YJEFN3: variants seen among roughly 807,000 people sequenced by gnomAD.
YJEFN3 encodes the protein YjeF N-terminal domain containing 3, also known as yjeF N-terminal domain-containing protein 3.
A neutral mutation model predicts 31.5 loss-of-function variants in YJEFN3; 29 were observed. The observed-to-expected ratio is 0.92, with a 90% CI of 0.69 to 1.26. The LOEUF is 1.26. Among genes scored for constraint, YJEFN3 ranks in the 50% most tolerant of loss-of-function variants. The pLI is 0.00. For synonymous variants in YJEFN3, 227 were observed against 196.1 expected (o/e 1.16, Z -1.32); for missense variants, 442 against 425.4 (o/e 1.04, Z -0.34).
chr19:19,529,045 G>A (rs2061127035), intron 1 of YJEFN3, 54 bp downstream of exon 1: 4 of 1,545,724 alleles, frequency 2.6e-6, no homozygotes, highest in Non-Finnish European at 3.5e-6. Flanking sequence ...GGGGCCAGGA[G>A]CAGCCCGTAG....
rs1414118154 is a variant in YJEFN3, at chr19:19,535,007, T to G, written c.319-27T>G. ...CAAGGAGGAATCTGGACTGTGCCTG[T>G]GCCTTTGCTGTGTCCCCTACCACCA... On this transcript the variant is annotated intron_variant, in intron 3 of 6. Transcript: ENST00000514277. 2.6e-6 allele frequency: 4 copies of G among 1,554,848 alleles called. 1 individual carries two copies. The highest frequency in any genetic ancestry group is 3.5e-6 in the Non-Finnish European group (4 of 1,150,356).
At chr19:19,533,547 CCCT>C (rs1222014529) in intron 3 of YJEFN3, 4 of 712,678 alleles carry the variant, frequency 5.6e-6, no homozygotes, top group Non-Finnish European at 6.9e-6. Context: ...TCCTTCCTCT[CCCT>C]CCTCCTCCCC....
At chr19:19,535,851 G>A (rs1308541992) in intron 6 of YJEFN3, 172 bp downstream of exon 6, 2 of 909,022 alleles carry the variant, frequency 2.2e-6, no homozygotes, top group Non-Finnish European at 1.7e-6. Context: ...GGAAGATCGA[G>A]GCTGCCACCC....
intron 3 of YJEFN3, 61 bp downstream of exon 3, chr19:19,532,801 A>G (rs1193864000): frequency 7.3e-7 from 1 of 1,366,582 alleles, no homozygotes; most frequent in Admixed American, 2.1e-5. Context: ...CCTGAGCTGC[A>G]TGACTGCTGT....
At chr19:19,533,750 A>G (rs2061180924) in intron 3 of YJEFN3, 1 of 985,406 alleles carries the variant, frequency 1.0e-6, no homozygotes, top group Non-Finnish European at 1.2e-6. Flanking sequence ...ATCCCGGGTG[A>G]GGCGCCCAAA....
At chr19:19,535,814 T>C (rs1293444528) in intron 6 of YJEFN3, 135 bp downstream of exon 6, 21 of 1,187,416 alleles carry the variant, frequency 1.8e-5, no homozygotes, top group African/African-American at 1.5e-5. Flanking sequence ...TGGCTGAGGC[T>C]AAGGGTCACA....
chr19:19,535,026 A>G lies in YJEFN3; in HGVS notation c.319-8A>G, dbSNP rs1414239871. The G allele has an allele frequency of 3.8e-6, 6 of 1,585,742 alleles. No individual in the cohort carries two copies. Among genetic ancestry groups the G allele is most frequent in the Non-Finnish European group, 5.1e-6 (6 of 1,166,658 alleles). On this transcript the variant is annotated splice_region_variant and splice_polypyrimidine_tract_variant and intron_variant, in intron 3 of 6. Coordinates refer to ENST00000514277, the MANE Select transcript of YJEFN3 (RefSeq NM_198537.4). ...TGCCTGTGCCTTTGCTGTGTCCCCT[A>G]CCACCAGGCGTTCCCGTTGCCCGCT...
chr19:19,528,973 A>G lies in YJEFN3; in HGVS notation c.41A>G (p.Glu14Gly), dbSNP rs1369419148. 7.7e-6 allele frequency: 12 copies of G among 1,550,308 alleles called. No individual in the cohort carries two copies. Among genetic ancestry groups the G allele is most frequent in the Middle Eastern group, 1.7e-4 (1 of 5,824 alleles). The change falls in exon 1 of 7, where the codon GAA becomes GGA. Residue 14 changes from glutamate (E) to glycine (G), a missense_variant. Transcript: ENST00000514277. ...AAGPDPSEAPEERHFLRALEL... is the reference protein window; with the variant it reads ...AAGPDPSEAPGERHFLRALEL... ...GGCCCAGACCCGTCGGAGGCGCCCG[A>G]AGAGCGGCATTTCCTCAGGTCAGCT...
intron 2 of YJEFN3, among the ~76,000 whole-genome samples, chr19:19,530,757 C>T (rs1600358849): frequency 6.6e-6 from 1 of 152,244 alleles, no homozygotes; most frequent in African/African-American, 2.4e-5. Context: ...TTTCCTCACC[C>T]CGTCCTTCAA....
At chr19:19,530,993 C>G (rs568094787) in intron 2 of YJEFN3, among the ~76,000 whole-genome samples, 21 of 152,288 alleles carry the variant, frequency 1.4e-4, no homozygotes, top group African/African-American at 5.1e-4. Context: ...CTTGAACATA[C>G]CAGGCTCCTC....
Position 19,534,230 on chromosome 19 carries a change from C to T in YJEFN3, c.319-804C>T. 1.1e-6 allele frequency: 1 copy of T among 890,810 alleles called. No homozygotes were observed. The highest frequency in any genetic ancestry group is 1.3e-6 in the Non-Finnish European group (1 of 743,874). 55.2% of individuals were successfully genotyped at this position (890,810 alleles called of 1,614,324 possible). A position where few individuals can be genotyped will look rare whatever the true frequency, so the allele number is the denominator to read the frequency against. On this transcript the variant is annotated intron_variant, in intron 3 of 6. Coordinates refer to ENST00000514277, the MANE Select transcript of YJEFN3 (RefSeq NM_198537.4). The surrounding 1 kb of genome is among the most constrained non-coding windows in gnomAD (Gnocchi z 4.6). Reference sequence around the variant, plus strand: ...GAGAGAGACAGATAACAGAGAGATACAGAGACAGCCAGAGACAAATGGAGA... The same window carrying T: ...GAGAGAGACAGATAACAGAGAGATATAGAGACAGCCAGAGACAAATGGAGA...
Position 19,535,089 on chromosome 19 carries a change from G to A in YJEFN3, c.374G>A (p.Gly125Asp), listed in dbSNP as rs778871041. The change falls in exon 4 of 7, where the codon GGC (glycine) becomes GAC (aspartate). Residue 125 changes from glycine (G) to aspartate (D), a missense_variant. Coordinates refer to ENST00000514277, the MANE Select transcript of YJEFN3 (RefSeq NM_198537.4). Reference sequence around the variant, plus strand: ...CAGAGGACGGTGCTGGTCGTGTGTGGCCCGGAGCAGAACGGGGCAGTGGGG... The same window carrying A: ...CAGAGGACGGTGCTGGTCGTGTGTGACCCGGAGCAGAACGGGGCAGTGGGG... The part of the protein sequence containing the change: ...RKQRTVLVVC[G>D]PEQNGAVGLV... 7 of 1,612,128 alleles carry A rather than the reference G, an allele frequency of 4.3e-6. No individual in the cohort carries two copies. Among genetic ancestry groups the A allele is most frequent in the Non-Finnish European group, 5.9e-6 (7 of 1,179,142 alleles).
intron 2 of YJEFN3, among the ~76,000 whole-genome samples, chr19:19,531,986 C>T (rs56397647): frequency 0.12 from 18,431 of 151,960 alleles, 1,171 homozygotes; most frequent in South Asian, 0.17. Context: ...GTGATCCACC[C>T]GCCTCATCCT....
In YJEFN3 at chr19:19,534,054, G is replaced by A. The variant is rs754457669; in HGVS notation, c.319-980G>A. The A allele has an allele frequency of 3.0e-6, 3 of 985,480 alleles. No individual in the cohort carries two copies. The African/African-American group carries it at 5.2e-5, about 17-fold the overall frequency. 61.0% of individuals were successfully genotyped at this position (985,480 alleles called of 1,614,324 possible). A position where few individuals can be genotyped will look rare whatever the true frequency, so the allele number is the denominator to read the frequency against. On this transcript the variant is annotated intron_variant, in intron 3 of 6. Coordinates refer to ENST00000514277, the MANE Select transcript of YJEFN3 (RefSeq NM_198537.4). The surrounding 1 kb of genome is among the most constrained non-coding windows in gnomAD (Gnocchi z 4.6). ...GGCTCAAGAGACACCCAGAGTGCCT[G>A]TCAGGCGGTGGCACTGTCATCGCAT...
Position 19,536,037 on chromosome 19 carries a change from A to T in YJEFN3, c.694+358A>T, listed in dbSNP as rs547600084. The T allele has an allele frequency of 1.3e-4, 67 of 518,118 alleles. 1 individual carries two copies. The highest frequency in any genetic ancestry group is 1.1e-3 in the African/African-American group (54 of 50,240). The allele number at this position is 518,118 out of a possible 1,614,324, so 32.1% of individuals were successfully genotyped here. A position where few individuals can be genotyped will look rare whatever the true frequency, so the allele number is the denominator to read the frequency against. On this transcript the variant is annotated intron_variant, in intron 6 of 6. Transcript: ENST00000514277. Reference sequence around the variant, plus strand: ...TAGGCGACAGGCAGACGGAACAAACAGCCGCTGGCCAGCCGGACCCTCCGT... The same window carrying T: ...TAGGCGACAGGCAGACGGAACAAACTGCCGCTGGCCAGCCGGACCCTCCGT...
At chr19:19,533,382 C>A in intron 3 of YJEFN3, 1 of 986,018 alleles carries the variant, frequency 1.0e-6, no homozygotes, top group Non-Finnish European at 1.2e-6. Context: ...CCCATACAGT[C>A]GAGGCTCTAG....
chr19:19,533,647 C>G, intron 3 of YJEFN3: 1 of 985,068 alleles, frequency 1.0e-6, no homozygotes, highest in Non-Finnish European at 1.2e-6. Flanking sequence ...CACCCCTCCT[C>G]CTCTTTTTCT....
At chr19:19,537,089 G>A (rs1049197438) in intron 6 of YJEFN3, among the ~76,000 whole-genome samples, 1 of 151,974 alleles carries the variant, frequency 6.6e-6, no homozygotes, top group Non-Finnish European at 1.5e-5. Flanking sequence ...TTGTCTGAGG[G>A]CGGAGGCAGA....
chr19:19,533,796 G>T, intron 3 of YJEFN3: 4 of 985,496 alleles, frequency 4.1e-6, no homozygotes, highest in Non-Finnish European at 4.8e-6. Context: ...AAGAAACCCA[G>T]TAGTCACTAC....
Sources: allele counts gnomAD v4.1 joint callset (sites outside exome capture counted in the v4.1 genomes callset), GRCh38; gene constraint gnomAD v4.1.1; non-coding constraint Gnocchi (gnomAD v3.1); transcripts MANE v1.5; gene names NCBI Gene and HGNC (gene_info 2026-07-23, HGNC 2026-07-21).